NREP: variants seen among roughly 807,000 people sequenced by gnomAD.
NREP encodes neuronal regeneration-related protein.
NREP carries 5 observed loss-of-function variants against 8.6 expected under a neutral mutation model. The observed-to-expected ratio is 0.58, with a 90% confidence interval of 0.30 to 1.22. The LOEUF (loss-of-function observed/expected upper bound fraction) is 1.22, where lower values mean the gene tolerates loss of function less well. NREP is among the 50% of genes most tolerant of loss of function. The probability of loss-of-function intolerance (pLI) is 0.07; values close to 1 mark genes in which losing one functional copy is unlikely to be tolerated. For synonymous variants in NREP, 27 were observed against 28.0 expected (o/e 0.96, Z 0.11); for missense variants, 86 against 82.5 (o/e 1.04, Z -0.17).
chr5:111,971,948 A>C (rs1387108078), intron 2 of NREP, among the ~76,000 whole-genome samples: 1 of 152,202 alleles, frequency 6.6e-6, no homozygotes, highest in African/African-American at 2.4e-5. Context: ...CAACAGAATA[A>C]AGAGACAGCC....
At chr5:111,753,846 A>T (rs1750533368) in intron 2 of NREP, among the ~76,000 whole-genome samples, 1 of 152,168 alleles carries the variant, frequency 6.6e-6, no homozygotes, top group Admixed American at 6.5e-5. Flanking sequence ...TTTTGCCAAA[A>T]GGCAGAAAGA....
chr5:111,741,051 T>G (rs1441769360), intron 2 of NREP, among the ~76,000 whole-genome samples: 1 of 152,178 alleles, frequency 6.6e-6, no homozygotes, highest in Non-Finnish European at 1.5e-5. Flanking sequence ...TGTTGCATGG[T>G]TTGGTTGTTA....
intron 2 of NREP, among the ~76,000 whole-genome samples, chr5:111,926,787 C>T (rs1329631261): frequency 6.6e-6 from 1 of 151,796 alleles, no homozygotes; most frequent in African/African-American, 2.4e-5. Flanking sequence ...ACAGTGGGGG[C>T]TTCCCCACTA....
chr5:111,934,376 G>A (rs1755625287), intron 2 of NREP, among the ~76,000 whole-genome samples: 1 of 152,074 alleles, frequency 6.6e-6, no homozygotes, highest in African/African-American at 2.4e-5. Context: ...TGAAGGGAAG[G>A]TAAAGGTTAT....
intron 2 of NREP, among the ~76,000 whole-genome samples, chr5:111,821,650 G>A (rs145629582): frequency 2.5e-4 from 38 of 152,212 alleles, no homozygotes; most frequent in East Asian, 1.7e-3. Flanking sequence ...AGCTGAGCCT[G>A]TTTTTAAAAA....
At chr5:111,808,151 T>A (rs1752186033) in intron 2 of NREP, among the ~76,000 whole-genome samples, 1 of 152,248 alleles carries the variant, frequency 6.6e-6, no homozygotes, top group Admixed American at 6.5e-5. Context: ...TACTTATCTA[T>A]AAGAATGCAC....
upstream of NREP, chr5:111,757,559 T>C (rs1581093308): frequency 5.1e-6 from 5 of 984,546 alleles, no homozygotes; most frequent in South Asian, 1.9e-4. Context: ...CCAGACTGCT[T>C]ACTCGGCAGG....
chr5:111,840,881 C>G (rs1581157433), intron 2 of NREP, among the ~76,000 whole-genome samples: 1 of 152,062 alleles, frequency 6.6e-6, no homozygotes, highest in East Asian at 1.9e-4. Flanking sequence ...GATATTTGCG[C>G]AAGGGTGTGA....
chr5:111,939,142 A>G (rs1225509356), intron 2 of NREP, among the ~76,000 whole-genome samples: 1 of 151,876 alleles, frequency 6.6e-6, no homozygotes, highest in Non-Finnish European at 1.5e-5. Flanking sequence ...CCCTACGACT[A>G]CTTTTATTCC....
intron 2 of NREP, among the ~76,000 whole-genome samples, chr5:111,777,343 GGT>G (rs1751388569): frequency 6.8e-6 from 1 of 147,754 alleles, no homozygotes; most frequent in Non-Finnish European, 1.5e-5. Context: ...GTGTGGTGTG[GGT>G]GTGTGTGTGA....
rs191929473 is a variant in NREP at position 111,755,506 on chromosome 5, C to G, written c.3+264G>C. On this transcript the variant is annotated intron_variant, in intron 2 of 3. Coordinates refer to ENST00000257435, the MANE Select transcript of NREP (RefSeq NM_004772.4). Reference sequence around the variant, plus strand: ...AAAGAACCGAATAGTTTCTGTTGTTCAAATTAAATAAATCCTCACTTCTGA... The same window carrying G: ...AAAGAACCGAATAGTTTCTGTTGTTGAAATTAAATAAATCCTCACTTCTGA... The G allele has an allele frequency of 4.3e-4, 203 of 471,862 alleles. 1 individual carries two copies. Among genetic ancestry groups the G allele is most frequent in the Admixed American group, 3.4e-3 (105 of 30,500 alleles). 29.2% of individuals were successfully genotyped at this position (471,862 alleles called of 1,614,324 possible). A position where few individuals can be genotyped will look rare whatever the true frequency, so the allele number is the denominator to read the frequency against.
At chr5:111,907,632 A>C (rs1754809930) in intron 2 of NREP, among the ~76,000 whole-genome samples, 1 of 152,100 alleles carries the variant, frequency 6.6e-6, no homozygotes, top group Non-Finnish European at 1.5e-5. Context: ...TAATAATAGC[A>C]CAAATAATCA....
chr5:111,775,563 G>A (rs994709711), intron 2 of NREP, among the ~76,000 whole-genome samples: 6 of 151,958 alleles, frequency 3.9e-5, no homozygotes, highest in Non-Finnish European at 7.4e-5. Context: ...TTCAATTCTC[G>A]GGAATATGCA....
At chr5:111,816,683 T>A (rs1051918690) in intron 2 of NREP, among the ~76,000 whole-genome samples, 2 of 148,268 alleles carry the variant, frequency 1.3e-5, no homozygotes, top group Non-Finnish European at 3.0e-5. Context: ...AATGGAATGA[T>A]AAAATGATAA....
At chr5:111,770,448 A>G (rs1406069748) in intron 2 of NREP, among the ~76,000 whole-genome samples, 2 of 152,028 alleles carry the variant, frequency 1.3e-5, no homozygotes, top group African/African-American at 4.8e-5. Flanking sequence ...ATCCTTAACC[A>G]TACCTAGCTC....
chr5:111,861,533 T>G (rs755574311), intron 2 of NREP, among the ~76,000 whole-genome samples: 5 of 152,170 alleles, frequency 3.3e-5, no homozygotes, highest in Admixed American at 6.6e-5. Context: ...TTGTATCAAT[T>G]ATCACTTTGC....
rs1748417917 is a variant in NREP at position 111,730,120 on chromosome 5, C to A, written c.*801G>T. ...TACAGTTTTGTGATTGCTCCCGCTA[C>A]CGTGACTGCATGTCCGTGAGCGCCA... On this transcript the variant is annotated 3_prime_UTR_variant, in exon 4 of 4. Transcript: ENST00000257435. 6.6e-6 allele frequency: 1 copy of A among 152,560 alleles called. No individual in the cohort carries two copies. Among genetic ancestry groups the A allele is most frequent in the South Asian group, 2.1e-4 (1 of 4,816 alleles). 9.5% of individuals were successfully genotyped at this position (152,560 alleles called of 1,614,324 possible). A position where few individuals can be genotyped will look rare whatever the true frequency, so the allele number is the denominator to read the frequency against.
chr5:111,773,603 C>T (rs532945771), intron 2 of NREP, among the ~76,000 whole-genome samples: 2 of 152,116 alleles, frequency 1.3e-5, no homozygotes, highest in South Asian at 4.2e-4. Flanking sequence ...AAGAATTTGC[C>T]CCTTGGTACA....
chr5:111,922,948 A>G (rs531355473), intron 2 of NREP, among the ~76,000 whole-genome samples: 2 of 152,230 alleles, frequency 1.3e-5, no homozygotes, highest in East Asian at 1.9e-4. Context: ...TGGCTAACTT[A>G]TTTCCCTCAG....
Sources: gnomAD v4.1 joint callset for allele counts (sites outside exome capture counted in the v4.1 genomes callset) on GRCh38, gnomAD v4.1.1 for gene constraint, MANE v1.5 for transcripts, NCBI Gene and HGNC (gene_info 2026-07-23, HGNC 2026-07-21) for gene names.